The following EAF2 variants were observed in gnomAD, a reference collection of about 807,000 sequenced individuals.
EAF2 encodes the protein ELL-associated factor 2.
Under a neutral mutation model 29.4 loss-of-function variants are expected in EAF2, and 29 were observed. The observed-to-expected ratio is 0.99, with a 90% CI of 0.73 to 1.35. The LOEUF (loss-of-function observed/expected upper bound fraction) is 1.35, where lower values mean the gene tolerates loss of function less well. Among genes scored for constraint, EAF2 ranks in the 40% most tolerant of loss-of-function variants. The pLI is 0.00. For synonymous variants in EAF2, 103 were observed against 102.5 expected (o/e 1.00, Z -0.03); for missense variants, 292 against 312.0 (o/e 0.94, Z 0.48).
At chr3:121,885,469 T>C (rs1709266674) in intron 5 of EAF2, among the ~76,000 whole-genome samples, 1 of 152,174 alleles carries the variant, frequency 6.6e-6, no homozygotes, top group Non-Finnish European at 1.5e-5. Context: ...TCTCATGAAT[T>C]CTCATTACAT....
At chr3:121,861,496 G>C (rs998918192) in intron 4 of EAF2, among the ~76,000 whole-genome samples, 3 of 152,018 alleles carry the variant, frequency 2.0e-5, no homozygotes, top group Admixed American at 1.3e-4. Context: ...TGCAACCCCT[G>C]CTTTTTTTTT....
chr3:121,854,443 T>C (rs1708684704), intron 2 of EAF2, among the ~76,000 whole-genome samples: 1 of 152,152 alleles, frequency 6.6e-6, no homozygotes, highest in South Asian at 2.1e-4. Flanking sequence ...AAACAAATCT[T>C]TACTGTCCCA....
At chr3:121,876,225 A>G (rs1306131832) in intron 5 of EAF2, among the ~76,000 whole-genome samples, 1 of 152,022 alleles carries the variant, frequency 6.6e-6, no homozygotes, top group African/African-American at 2.4e-5. Flanking sequence ...TAGGTAAGCC[A>G]AAAGATAGTG....
chr3:121,876,109 A>G (rs1323838047), intron 5 of EAF2, among the ~76,000 whole-genome samples: 2 of 151,950 alleles, frequency 1.3e-5, no homozygotes, highest in South Asian at 2.1e-4. Flanking sequence ...CTAGACCTCA[A>G]AACATGATAG....
chr3:121,861,231 CCTT>C (rs2107526094), intron 4 of EAF2, among the ~76,000 whole-genome samples: 1 of 152,188 alleles, frequency 6.6e-6, no homozygotes, highest in South Asian at 2.1e-4. Flanking sequence ...TCCTTGTTAA[CCTT>C]CTGTCTCATT....
At chr3:121,847,613 A>G (rs74407587) in intron 2 of EAF2, among the ~76,000 whole-genome samples, 15,544 of 152,184 alleles carry the variant, frequency 0.1, 834 homozygotes, top group South Asian at 0.16. Flanking sequence ...ATTATAACTC[A>G]TTTAAACAGT....
At chr3:121,841,311 C>T (rs1486488417) in intron 1 of EAF2, among the ~76,000 whole-genome samples, 1 of 150,970 alleles carries the variant, frequency 6.6e-6, no homozygotes, top group Non-Finnish European at 1.5e-5. Context: ...CAAGACCAGC[C>T]TGACCAATTT....
At chr3:121,884,714 C>T (rs956713301) in intron 5 of EAF2, among the ~76,000 whole-genome samples, 2 of 95,658 alleles carry the variant, frequency 2.1e-5, no homozygotes, top group Admixed American at 2.3e-4. Context: ...CGTGAGCCAC[C>T]GCGTGCCCGA....
At chr3:121,885,199 G>T (rs193271410) in intron 5 of EAF2, among the ~76,000 whole-genome samples, 1 of 152,228 alleles carries the variant, frequency 6.6e-6, no homozygotes, top group East Asian at 1.9e-4. Context: ...AAACCTTGGG[G>T]TCATTCTTCA....
chr3:121,860,340 A>G (rs1708804153), intron 4 of EAF2, among the ~76,000 whole-genome samples: 1 of 152,122 alleles, frequency 6.6e-6, no homozygotes. Flanking sequence ...TATTGCCTCA[A>G]TTTCAGAGCC....
At chr3:121,853,082 TTTTATTTTTTAA>T (rs1708659518) in intron 2 of EAF2, among the ~76,000 whole-genome samples, 2 of 152,182 alleles carry the variant, frequency 1.3e-5, no homozygotes, top group South Asian at 4.1e-4. Flanking sequence ...TTGCTAATCT[TTTTATTTTTTAA>T]TCTAATGTCT....
chr3:121,865,137 A>G (rs1049489563), intron 4 of EAF2, among the ~76,000 whole-genome samples: 2 of 152,126 alleles, frequency 1.3e-5, no homozygotes, highest in Non-Finnish European at 2.9e-5. Context: ...GGCAAGGCAC[A>G]GTGGCTCATG....
chr3:121,837,237 C>A (rs1708319964), intron 1 of EAF2, among the ~76,000 whole-genome samples: 1 of 152,086 alleles, frequency 6.6e-6, no homozygotes, highest in African/African-American at 2.4e-5. Context: ...TTAAATAAAA[C>A]TGTTTATTAT....
In EAF2 at chr3:121,857,270, G is replaced by T. The variant is rs1244113862; in HGVS notation, c.484+114G>T. 3.6e-6 allele frequency: 3 copies of T among 828,714 alleles called. No homozygotes were observed. The East Asian group carries it at 8.5e-5, about 23-fold the overall frequency. 51.3% of individuals were successfully genotyped at this position (828,714 alleles called of 1,614,324 possible). ...GCACTTTAGGAGGCCGAGGCAGGCG[G>T]ATCATGAGGTCAGTAGTTCAACACC... On this transcript the variant is annotated intron_variant, in intron 4 of 5. Coordinates refer to ENST00000273668, the MANE Select transcript of EAF2 (RefSeq NM_018456.6).
chr3:121,844,732 G>A (rs1708494090), intron 2 of EAF2, among the ~76,000 whole-genome samples, 185 bp downstream of exon 2: 1 of 152,010 alleles, frequency 6.6e-6, no homozygotes, highest in Non-Finnish European at 1.5e-5. Context: ...CCATTTAATA[G>A]TTCCAAGAAC....
intron 2 of EAF2, among the ~76,000 whole-genome samples, chr3:121,852,341 A>C (rs1047699852): frequency 1.9e-4 from 29 of 152,206 alleles, no homozygotes; most frequent in African/African-American, 7.0e-4. Context: ...TACTTGTTTC[A>C]GTCAACACAT....
intron 1 of EAF2, chr3:121,836,243 T>A (rs958748916): frequency 2.6e-5 from 4 of 152,226 alleles, no homozygotes; most frequent in Non-Finnish European, 5.9e-5. Flanking sequence ...TTCTCATTTT[T>A]CTGTGGTAAA....
chr3:121,870,333 A>G (rs1205106954), intron 4 of EAF2, among the ~76,000 whole-genome samples: 1 of 152,188 alleles, frequency 6.6e-6, no homozygotes, highest in Non-Finnish European at 1.5e-5. Flanking sequence ...ATGCAACATG[A>G]ACAAGACAAC....
At chr3:121,870,144 G>T (rs1349725422) in intron 4 of EAF2, among the ~76,000 whole-genome samples, 2 of 151,970 alleles carry the variant, frequency 1.3e-5, no homozygotes, top group Non-Finnish European at 2.9e-5. Flanking sequence ...TCTGGAAAAA[G>T]GAAAAGGAAG....
Sources: allele counts gnomAD v4.1 joint callset (sites outside exome capture counted in the v4.1 genomes callset), GRCh38; gene constraint gnomAD v4.1.1; transcripts MANE v1.5; gene names NCBI Gene and HGNC (gene_info 2026-07-23, HGNC 2026-07-21).